Variants in ITGA1 observed in about 807,000 individuals in gnomAD.
ITGA1 encodes integrin subunit alpha 1.
A neutral mutation model predicts 145.9 loss-of-function variants in ITGA1; 85 were observed. The observed-to-expected ratio is 0.58, with a 90% confidence interval of 0.49 to 0.70. ITGA1 has a LOEUF of 0.70. Ranked by LOEUF, ITGA1 falls within the 30% of genes least tolerant of loss-of-function variation. ITGA1 has a pLI of 0.00. For missense variants in ITGA1, 1,351 were observed against 1,418.7 expected, an observed-to-expected ratio of 0.95 and a Z score of 0.77; for synonymous variants, 520 against 495.3, an observed-to-expected ratio of 1.05 and a Z score of -0.66.
chr5:52,880,615 A>G (rs1749942113), intron 6 of ITGA1, among the ~76,000 whole-genome samples: 1 of 152,222 alleles, frequency 6.6e-6, no homozygotes, highest in South Asian at 2.1e-4. Flanking sequence ...ACTTAAGAAT[A>G]AGGTTAGACT....
chr5:52,918,947 T>TGTATGCA, intron 16 of ITGA1, 49 bp downstream of exon 16: 1 of 1,456,942 alleles, frequency 6.9e-7, no homozygotes, highest in East Asian at 2.3e-5. Flanking sequence ...GACAATATAT[T>TGTATGCA]TGCTCTAGCA....
intron 2 of ITGA1, among the ~76,000 whole-genome samples, chr5:52,855,499 T>A (rs1021141522): frequency 6.6e-6 from 1 of 152,148 alleles, no homozygotes; most frequent in Non-Finnish European, 1.5e-5. Flanking sequence ...TTGGTACTAG[T>A]ATGAGCACTA....
At chr5:52,879,588 G>A (rs530985225) in intron 6 of ITGA1, among the ~76,000 whole-genome samples, 3 of 152,246 alleles carry the variant, frequency 2.0e-5, no homozygotes, top group African/African-American at 7.2e-5. Context: ...TTAAATTTAT[G>A]CAGAGGGTAA....
intron 1 of ITGA1, among the ~76,000 whole-genome samples, chr5:52,837,002 G>A (rs992577496): frequency 1.3e-5 from 2 of 152,088 alleles, no homozygotes; most frequent in South Asian, 4.1e-4. Flanking sequence ...CCTCTACCCA[G>A]CTTTGCAAAA....
chr5:52,801,626 A>G, intron 1 of ITGA1: 1 of 1,614,166 alleles, frequency 6.2e-7, no homozygotes. Context: ...CTCATCAGCG[A>G]TGAGCTCTTC....
rs1342024882 is a variant in ITGA1, at chr5:52,939,883, C to T, written c.3224C>T (p.Thr1075Ile). The part of the protein sequence containing the change: ...CKFATITCNL[T>I]SSDISQVNVS... ...TTTGCTACCATCACATGTAATCTCA[C>T]TTCTTCTGACATCAGCCAAGTCAAT... The change falls in exon 26 of 29, where the codon ACT (threonine) becomes ATT (isoleucine). Residue 1075 changes from threonine (T) to isoleucine (I), a missense_variant. Coordinates refer to ENST00000282588, the MANE Select transcript of ITGA1 (RefSeq NM_181501.2). 1 of 1,613,606 alleles carries T rather than the reference C, an allele frequency of 6.2e-7. No homozygotes were observed. The highest frequency in any genetic ancestry group is 1.1e-5 in the South Asian group (1 of 91,012).
chr5:52,926,092 T>G (rs931035309), intron 19 of ITGA1, among the ~76,000 whole-genome samples: 4 of 152,108 alleles, frequency 2.6e-5, no homozygotes, highest in Admixed American at 2.6e-4. Context: ...TAAAATTTTG[T>G]GTATATTTAT....
intron 1 of ITGA1, among the ~76,000 whole-genome samples, chr5:52,819,059 G>A (rs1223947851): frequency 2.6e-5 from 4 of 152,210 alleles, no homozygotes; most frequent in East Asian, 1.9e-4. Flanking sequence ...GATAGAAAAC[G>A]GCACACTTCC....
intron 1 of ITGA1, among the ~76,000 whole-genome samples, chr5:52,838,355 C>T (rs751693840): frequency 6.6e-6 from 1 of 152,106 alleles, no homozygotes; most frequent in Admixed American, 6.6e-5. Flanking sequence ...GTTAAAGCTA[C>T]TAGGTGACTC....
chr5:52,868,452 C>T (rs192830639), intron 6 of ITGA1, among the ~76,000 whole-genome samples: 72 of 152,224 alleles, frequency 4.7e-4, no homozygotes, highest in African/African-American at 1.6e-3. Flanking sequence ...TCTGCAATTT[C>T]GATGTTTTTC....
chr5:52,939,403 T>C (rs1466410757), intron 24 of ITGA1, among the ~76,000 whole-genome samples, 187 bp from the exon 25 acceptor site: 1 of 152,166 alleles, frequency 6.6e-6, no homozygotes, highest in Admixed American at 6.5e-5. Context: ...ACATATTATC[T>C]TGGGGTGGAT....
At chr5:52,896,705 C>T (rs1250778980) in intron 9 of ITGA1, among the ~76,000 whole-genome samples, 1 of 152,136 alleles carries the variant, frequency 6.6e-6, no homozygotes, top group African/African-American at 2.4e-5. Flanking sequence ...GAAATTGTGG[C>T]TTTGGGTTTG....
chr5:52,882,507 A>G (rs2447861), intron 7 of ITGA1, among the ~76,000 whole-genome samples: 30,085 of 151,658 alleles, frequency 0.2, 3,136 homozygotes, highest in South Asian at 0.28. Context: ...TTGTCTATTT[A>G]AAATCATTTT....
At chr5:52,879,390 G>A (rs6878249) in intron 6 of ITGA1, among the ~76,000 whole-genome samples, 35,571 of 151,984 alleles carry the variant, frequency 0.23, 4,339 homozygotes, top group South Asian at 0.4. Flanking sequence ...CCACAACAGT[G>A]TTTGTTCACT....
chr5:52,905,697 G>C, intron 11 of ITGA1, 66 bp from the exon 12 acceptor site: 2 of 1,326,076 alleles, frequency 1.5e-6, no homozygotes, highest in Admixed American at 4.3e-5. Flanking sequence ...TTTAAAAAGA[G>C]TCTTAATTTA....
chr5:52,883,961 A>G (rs1266017245), intron 7 of ITGA1, among the ~76,000 whole-genome samples: 1 of 152,172 alleles, frequency 6.6e-6, no homozygotes, highest in South Asian at 2.1e-4. Context: ...AGGCCTTTTA[A>G]TCATCTCCTT....
At chr5:52,929,773 C>A in intron 21 of ITGA1, 72 bp downstream of exon 21, 2 of 780,770 alleles carry the variant, frequency 2.6e-6, no homozygotes, top group Non-Finnish European at 4.1e-6. Context: ...GAATATTTTG[C>A]TCTATAAACT....
chr5:52,876,657 G>C (rs185449264), intron 6 of ITGA1, among the ~76,000 whole-genome samples: 1 of 152,162 alleles, frequency 6.6e-6, no homozygotes, highest in Admixed American at 6.6e-5. Flanking sequence ...GGTCAGCTGT[G>C]AGCAAAGCAA....
chr5:52,831,061 A>G (rs904179281), intron 1 of ITGA1, among the ~76,000 whole-genome samples: 1 of 152,114 alleles, frequency 6.6e-6, no homozygotes, highest in Admixed American at 6.6e-5. Flanking sequence ...GAGAGTTTCC[A>G]ACTTGAAATA....
Sources: allele counts gnomAD v4.1 joint callset (sites outside exome capture counted in the v4.1 genomes callset), GRCh38; gene constraint gnomAD v4.1.1; transcripts MANE v1.5; gene names NCBI Gene and HGNC (gene_info 2026-07-23, HGNC 2026-07-21).